The following CXADR variants were observed in gnomAD, a reference collection of about 807,000 sequenced individuals.
CXADR encodes the protein coxsackievirus and adenovirus receptor.
A neutral mutation model predicts 40.3 loss-of-function variants in CXADR; 20 were observed. That is an observed-to-expected ratio of 0.50 (90% CI 0.35 to 0.72). CXADR has a LOEUF of 0.72. Ranked by LOEUF, CXADR falls within the 30% of genes least tolerant of loss-of-function variation. The pLI is 0.01. For missense variants in CXADR, 332 were observed against 449.1 expected (o/e 0.74, Z 2.36); for synonymous variants, 150 against 161.3 (o/e 0.93, Z 0.53).
intron 1 of CXADR, among the ~76,000 whole-genome samples, chr21:17,524,244 T>C (rs775551079): frequency 2.6e-5 from 4 of 151,904 alleles, no homozygotes; most frequent in South Asian, 2.1e-4. Flanking sequence ...CCTCAACTTA[T>C]TGCCTCACCC....
At chr21:17,564,968 C>G (rs1308853778) in intron 6 of CXADR, among the ~76,000 whole-genome samples, 1 of 152,164 alleles carries the variant, frequency 6.6e-6, no homozygotes, top group East Asian at 1.9e-4. Context: ...CTCCTGATCT[C>G]AAGTGATCTG....
the CXADR span, chr21:17,609,189 A>T: frequency 4.4e-6 from 7 of 1,581,358 alleles, no homozygotes; most frequent in African/African-American, 8.2e-5. Flanking sequence ...GAAAAACAAA[A>T]TATAAAAACT....
At chr21:17,538,235 C>T (rs1428354633) in intron 1 of CXADR, among the ~76,000 whole-genome samples, 1 of 152,002 alleles carries the variant, frequency 6.6e-6, no homozygotes, top group Non-Finnish European at 1.5e-5. Context: ...CTCCTGACCT[C>T]GTGATCCGCC....
chr21:17,596,349 G>T (rs975528782), downstream of CXADR, among the ~76,000 whole-genome samples: 1 of 151,948 alleles, frequency 6.6e-6, no homozygotes, highest in Non-Finnish European at 1.5e-5. Context: ...CCCTCTAGAG[G>T]AAATATTTGC....
chr21:17,560,606 C>G, intron 4 of CXADR, 96 bp from the exon 5 acceptor site: 2 of 1,272,140 alleles, frequency 1.6e-6, no homozygotes. Context: ...TTGCTTTTAA[C>G]TGGATTGTTT....
chr21:17,546,359 G>A (rs1035697393), intron 1 of CXADR, among the ~76,000 whole-genome samples: 37 of 152,140 alleles, frequency 2.4e-4, no homozygotes, highest in African/African-American at 8.5e-4. Flanking sequence ...TTCTCACACC[G>A]CTATAGAGAA....
chr21:17,516,796 T>G (rs1169664631), intron 1 of CXADR, among the ~76,000 whole-genome samples: 3 of 138,114 alleles, frequency 2.2e-5, no homozygotes, highest in African/African-American at 7.6e-5. Flanking sequence ...TTTTTGAAAA[T>G]TGCTATGAGT....
intron 7 of CXADR, among the ~76,000 whole-genome samples, chr21:17,578,528 G>A (rs546390962): frequency 1.3e-5 from 2 of 152,346 alleles, no homozygotes; most frequent in South Asian, 2.1e-4. Flanking sequence ...ACTTAGAACA[G>A]TGGATTAAAG....
chr21:17,616,605 A>G, the CXADR span, among the ~76,000 whole-genome samples: 2 of 152,216 alleles, frequency 1.3e-5, no homozygotes, highest in East Asian at 1.9e-4. Context: ...TATAATGGAC[A>G]TGGAGGATTT....
At chr21:17,554,521 G>A (rs1321228653) in intron 3 of CXADR, among the ~76,000 whole-genome samples, 1 of 152,156 alleles carries the variant, frequency 6.6e-6, no homozygotes, top group Non-Finnish European at 1.5e-5. Context: ...GGGATGAGAG[G>A]AGAAAGCAGG....
At chr21:17,612,920 G>A in the CXADR span, 1 of 152,150 alleles carries the variant, frequency 6.6e-6, no homozygotes. Context: ...CCCCAAAGCG[G>A]CGCGCAGGGG....
chr21:17,574,544 T>G (rs913177164), downstream of CXADR, among the ~76,000 whole-genome samples: 2 of 152,176 alleles, frequency 1.3e-5, no homozygotes, highest in Admixed American at 1.3e-4. Context: ...CCATGCAACA[T>G]ATAAAATGTC....
the CXADR span, among the ~76,000 whole-genome samples, chr21:17,605,545 C>T: frequency 6.6e-6 from 1 of 152,130 alleles, no homozygotes; most frequent in Non-Finnish European, 1.5e-5. Context: ...ATATCATATA[C>T]TTATGATTAA....
chr21:17,598,290 G>A (rs2061529661), downstream of CXADR, among the ~76,000 whole-genome samples: 1 of 152,042 alleles, frequency 6.6e-6, no homozygotes, highest in South Asian at 2.1e-4. Context: ...AAAACAAAGT[G>A]TTACATACTA....
At chr21:17,586,086 AT>A in intron 7 of CXADR, among the ~76,000 whole-genome samples, 1 of 152,244 alleles carries the variant, frequency 6.6e-6, no homozygotes, top group African/African-American at 2.4e-5. Flanking sequence ...AGTAATTTTT[AT>A]AGGCGATTTA....
intron 7 of CXADR, among the ~76,000 whole-genome samples, chr21:17,576,243 T>G (rs576614444): frequency 6.6e-6 from 1 of 152,236 alleles, no homozygotes; most frequent in South Asian, 2.1e-4. Context: ...CCAGAAATAC[T>G]TTGGTCAGGA....
chr21:17,521,754 C>T (rs977952257), intron 1 of CXADR, among the ~76,000 whole-genome samples: 1 of 152,160 alleles, frequency 6.6e-6, no homozygotes, highest in African/African-American at 2.4e-5. Flanking sequence ...TAGCATATCC[C>T]AGGGGAGAAG....
chr21:17,603,257 T>G, the CXADR span, among the ~76,000 whole-genome samples: 1 of 152,332 alleles, frequency 6.6e-6, no homozygotes, highest in East Asian at 1.9e-4. Flanking sequence ...AGTCTGAAAC[T>G]AGCCTAAAGC....
At chr21:17,609,773 A>G in the CXADR span, among the ~76,000 whole-genome samples, 1 of 152,256 alleles carries the variant, frequency 6.6e-6, no homozygotes, top group African/African-American at 2.4e-5. Flanking sequence ...TTTACCAACT[A>G]AAGAATGGAC....
Sources: allele counts gnomAD v4.1 joint callset (sites outside exome capture counted in the v4.1 genomes callset), GRCh38; gene constraint gnomAD v4.1.1; transcripts MANE v1.5; gene names NCBI Gene and HGNC (gene_info 2026-07-23, HGNC 2026-07-21).